Variants in GRID1 observed in about 807,000 individuals in gnomAD.
The protein encoded by GRID1 is glutamate receptor ionotropic, delta-1.
In GRID1, 28 loss-of-function variants were observed where a neutral mutation model predicts 98.0. The ratio of observed to expected loss-of-function variants is 0.29; its 90% CI spans 0.21 to 0.39. GRID1 has a LOEUF of 0.39. Among genes scored for constraint, GRID1 ranks in the 10% least tolerant of loss-of-function variants. The pLI, the probability that GRID1 is intolerant of heterozygous loss-of-function variation, is 1.00. For synonymous variants in GRID1, 553 were observed against 538.5 expected, an observed-to-expected ratio of 1.03 and a Z score of -0.37; for missense variants, 1,111 against 1,340.5, an observed-to-expected ratio of 0.83 and a Z score of 2.67.
At chr10:86,191,821 G>A (rs2814324) in intron 3 of GRID1, among the ~76,000 whole-genome samples, 123,033 of 152,080 alleles carry the variant, frequency 0.81, 49,834 homozygotes, top group East Asian at 0.89. Context: ...AACTCTGCCA[G>A]CACTTGTCAG....
At chr10:86,262,954 T>C (rs962394813) in intron 2 of GRID1, among the ~76,000 whole-genome samples, 1 of 128,388 alleles carries the variant, frequency 7.8e-6, no homozygotes, top group Non-Finnish European at 1.6e-5. Context: ...CCCGAGAGCA[T>C]AGGCTGCGTT....
intron 5 of GRID1, among the ~76,000 whole-genome samples, chr10:85,892,921 C>A (rs941529469): frequency 5.9e-5 from 9 of 151,978 alleles, no homozygotes; most frequent in Non-Finnish European, 1.0e-4. Flanking sequence ...AAACTGAAGC[C>A]AATTTTTGTA....
chr10:85,933,310 A>C (rs972021475), intron 4 of GRID1, among the ~76,000 whole-genome samples: 451 of 144,120 alleles, frequency 3.1e-3, no homozygotes, highest in Non-Finnish European at 4.5e-3. Flanking sequence ...AAAAAAAAAA[A>C]AACTTATTTT....
intron 12 of GRID1, among the ~76,000 whole-genome samples, chr10:85,721,300 C>T (rs979093002): frequency 6.6e-6 from 1 of 152,132 alleles, no homozygotes; most frequent in Non-Finnish European, 1.5e-5. Flanking sequence ...TCTTACAATA[C>T]CCAACATGAA....
chr10:85,817,185 G>T (rs1218545631), intron 8 of GRID1, among the ~76,000 whole-genome samples: 1 of 152,130 alleles, frequency 6.6e-6, no homozygotes, highest in African/African-American at 2.4e-5. Context: ...CATCTTTATG[G>T]TAGAATGATT....
intron 4 of GRID1, among the ~76,000 whole-genome samples, chr10:86,076,699 A>G (rs1589362861): frequency 6.6e-6 from 1 of 152,266 alleles, no homozygotes; most frequent in Admixed American, 6.5e-5. Context: ...CAGTCCTTCA[A>G]CTGATTAGGT....
intron 3 of GRID1, among the ~76,000 whole-genome samples, chr10:86,146,621 A>G (rs1845093049): frequency 6.6e-6 from 1 of 152,014 alleles, no homozygotes; most frequent in Non-Finnish European, 1.5e-5. Flanking sequence ...TCAGCTATGC[A>G]TTTCCTCTTC....
chr10:85,940,500 G>C (rs1841985613), intron 4 of GRID1, among the ~76,000 whole-genome samples: 1 of 152,194 alleles, frequency 6.6e-6, no homozygotes, highest in Non-Finnish European at 1.5e-5. Flanking sequence ...CACTGATGTG[G>C]CTTCTGAAAA....
At position 86,093,542 on chromosome 10, in the gene GRID1, T is replaced by C. The variant is rs1481380335; in HGVS notation, c.726+45277A>G. Among the ~76,000 whole-genome samples the C allele has an allele frequency of 2.0e-5, 3 of 152,000 alleles. No homozygotes were observed. In the East Asian group the frequency reaches 5.8e-4, roughly 29 times the overall value. The stretch of plus-strand genomic sequence containing the variant: ...GATATTACAACTGATACCACTGAAA[T>C]ACAAAAGATCATTCAAGGCTACTAT... On this transcript the variant is annotated intron_variant, in intron 4 of 15. Coordinates refer to ENST00000327946, the MANE Select transcript of GRID1 (RefSeq NM_017551.3).
At chr10:85,812,441 C>T (rs1842680070) in intron 8 of GRID1, among the ~76,000 whole-genome samples, 1 of 152,078 alleles carries the variant, frequency 6.6e-6, no homozygotes, top group Admixed American at 6.6e-5. Flanking sequence ...ACAAAGGTGA[C>T]ATATATGTTG....
chr10:85,835,691 T>C (rs1489332154), intron 8 of GRID1, among the ~76,000 whole-genome samples: 1 of 152,198 alleles, frequency 6.6e-6, no homozygotes, highest in South Asian at 2.1e-4. Flanking sequence ...TAATATCTAA[T>C]TGACACATAT....
At chr10:85,857,111 G>C (rs1443825108) in intron 6 of GRID1, among the ~76,000 whole-genome samples, 1 of 152,206 alleles carries the variant, frequency 6.6e-6, no homozygotes, top group Non-Finnish European at 1.5e-5. Context: ...GGTAACAAGA[G>C]ATGAGGATTC....
chr10:85,678,603 T>A (rs1437199554), intron 12 of GRID1, among the ~76,000 whole-genome samples: 1 of 152,160 alleles, frequency 6.6e-6, no homozygotes, highest in Non-Finnish European at 1.5e-5. Context: ...CAACATTATT[T>A]TCATTTTCTC....
chr10:86,123,204 G>A (rs1257196080), intron 4 of GRID1, among the ~76,000 whole-genome samples: 1 of 152,172 alleles, frequency 6.6e-6, no homozygotes, highest in Non-Finnish European at 1.5e-5. Context: ...GGAGAAGGGG[G>A]ACCTACTCAA....
chr10:85,913,571 C>T (rs1841569775), intron 5 of GRID1, among the ~76,000 whole-genome samples: 1 of 152,206 alleles, frequency 6.6e-6, no homozygotes, highest in Non-Finnish European at 1.5e-5. Flanking sequence ...GGGCAGATCA[C>T]TTGAGGTCGG....
chr10:85,915,846 C>G (rs1841612028), intron 5 of GRID1, among the ~76,000 whole-genome samples: 2 of 152,214 alleles, frequency 1.3e-5, no homozygotes, highest in African/African-American at 4.8e-5. Flanking sequence ...TGCCCCACCC[C>G]CTCTGCATCC....
intron 4 of GRID1, among the ~76,000 whole-genome samples, chr10:86,031,076 G>T (rs957755811): frequency 6.6e-6 from 1 of 152,058 alleles, no homozygotes; most frequent in African/African-American, 2.4e-5. Flanking sequence ...GCCACCAGCT[G>T]GTCCTTTCCG....
At chr10:85,649,450 C>A (rs1843237534) in intron 12 of GRID1, among the ~76,000 whole-genome samples, 1 of 151,878 alleles carries the variant, frequency 6.6e-6, no homozygotes, top group South Asian at 2.1e-4. Context: ...AGGGTTGTAA[C>A]TCTGCCGTAA....
chr10:86,089,697 G>C (rs1844116313), intron 4 of GRID1, among the ~76,000 whole-genome samples: 1 of 151,336 alleles, frequency 6.6e-6, no homozygotes, highest in Admixed American at 6.6e-5. Flanking sequence ...AATGAAAAAA[G>C]AAAATCTCAG....
Sources: gnomAD v4.1 joint callset for allele counts (sites outside exome capture counted in the v4.1 genomes callset) on GRCh38, gnomAD v4.1.1 for gene constraint, MANE v1.5 for transcripts, NCBI Gene and HGNC (gene_info 2026-07-23, HGNC 2026-07-21) for gene names.